The following ZNF550 variants were observed in gnomAD, a reference collection of about 807,000 sequenced individuals.
ZNF550 encodes zinc finger protein 550.
In ZNF550, 42 loss-of-function variants were observed where a neutral mutation model predicts 40.2. That is an observed-to-expected ratio of 1.05 (90% CI 0.82 to 1.35). The LOEUF (loss-of-function observed/expected upper bound fraction) is 1.35. ZNF550 is among the 40% of genes most tolerant of loss of function. The pLI is 0.00. For synonymous variants in ZNF550, 223 were observed against 198.6 expected, an observed-to-expected ratio of 1.12 and a Z score of -1.03; for missense variants, 549 against 525.2, an observed-to-expected ratio of 1.05 and a Z score of -0.44.
At chr19:57,556,325 G>A in exon 2 of ZNF550, 1 of 1,614,014 alleles carries the variant, frequency 6.2e-7, no homozygotes, top group Non-Finnish European at 8.5e-7. Context: ...CCCGGGTAAA[G>A]GTCACAGCCA....
exon 4 of ZNF550, chr19:57,546,967 G>A: frequency 6.3e-7 from 1 of 1,596,904 alleles, no homozygotes; most frequent in Non-Finnish European, 8.6e-7. Context: ...TGCAGCAATA[G>A]GGTTCTCTCA....
chr19:57,549,002 C>T (rs1363951933), intron 3 of ZNF550, among the ~76,000 whole-genome samples: 4 of 151,872 alleles, frequency 2.6e-5, no homozygotes, highest in Non-Finnish European at 5.9e-5. Flanking sequence ...AAACTGGGAA[C>T]GGCAGTAGGA....
exon 4 of ZNF550, chr19:57,547,966 T>C: frequency 1.2e-6 from 2 of 1,613,660 alleles, no homozygotes; most frequent in South Asian, 1.1e-5. Context: ...AGTGGTTGGC[T>C]CTCTGGTATG....
In ZNF550 at chr19:57,554,381, T is replaced by A. The variant is rs1190439705; in HGVS notation, c.155-1659A>T. On this transcript the variant is annotated intron_variant, in intron 2 of 4. Transcript: ENST00000457177. The surrounding 1 kb of genome is among the most constrained non-coding windows in gnomAD (Gnocchi z 4.5). ...CTATGAGGAGCCAGCCTGAGGACAA[T>A]CAGAAGCCTGAACCAAGAAGAAGGA... 3 of 152,124 alleles carry A rather than the reference T, an allele frequency of 2.0e-5. No homozygotes were observed. The highest frequency in any genetic ancestry group is 7.3e-5 in the African/African-American group (3 of 41,376). 9.4% of individuals were successfully genotyped at this position (152,124 alleles called of 1,614,324 possible).
chr19:57,559,827 C>T (rs75946741), exon 1 of ZNF550: 120,316 of 653,350 alleles, frequency 0.18, 11,929 homozygotes, highest in Middle Eastern at 0.23. Context: ...CAACACGCCC[C>T]ACCACAAACG....
At position 57,547,689 on chromosome 19, in the gene ZNF550, A is replaced by T; in HGVS notation, c.555T>A (p.Cys185Ter). Residue 185 changes from cysteine (C) to a stop codon, truncating the protein, a stop_gained, in exon 4 of 5, where the codon TGT becomes TGA. Coordinates refer to ENST00000457177, the Ensembl canonical transcript of ZNF550. LOFTEE classifies it high-confidence loss of function. ...CGTCTTTCCCTGGTTGCTGTGAGTC[A>T]CATTCATGGAGAACATCTGCTGATA... The T allele has an allele frequency of 6.2e-7, 1 of 1,614,180 alleles. No homozygotes were observed. The highest frequency in any genetic ancestry group is 8.5e-7 in the Non-Finnish European group (1 of 1,180,038).
At chr19:57,552,528 C>T in intron 3 of ZNF550, 99 bp downstream of exon 3, 1 of 964,960 alleles carries the variant, frequency 1.0e-6, no homozygotes, top group Non-Finnish European at 1.5e-6. Context: ...CCCCGGAAAG[C>T]CACAATGAGC....
At chr19:57,550,304 C>T (rs972058271) in intron 3 of ZNF550, among the ~76,000 whole-genome samples, 4 of 152,204 alleles carry the variant, frequency 2.6e-5, no homozygotes, top group Admixed American at 2.6e-4. Context: ...CTTGACTCCA[C>T]CAGTCATCTC....
intron 4 of ZNF550, chr19:57,544,460 G>A (rs1236694579): frequency 3.0e-6 from 3 of 985,216 alleles, no homozygotes; most frequent in Admixed American, 6.2e-5. Context: ...TGAACCCAGG[G>A]CCTTAGGTAC....
intron 4 of ZNF550, among the ~76,000 whole-genome samples, chr19:57,545,811 C>A (rs115838386): frequency 4.7e-4 from 71 of 152,204 alleles, no homozygotes; most frequent in African/African-American, 1.4e-3. Flanking sequence ...CCAGGAGTTC[C>A]AGACCAGCCC....
At chr19:57,556,968 T>C (rs759571856) in intron 1 of ZNF550, 46 of 152,522 alleles carry the variant, frequency 3.0e-4, no homozygotes, top group Non-Finnish European at 5.9e-4. Flanking sequence ...ATCGCCATTC[T>C]CCCGTCTCGG....
rs796582884 is a variant in ZNF550, at chr19:57,548,201, AC to A, written c.251-209del. 1.4e-4 allele frequency among the ~76,000 whole-genome samples: 21 copies of A among 152,286 alleles called. 1 individual carries two copies. Among genetic ancestry groups the A allele is most frequent in the African/African-American group, 4.8e-4 (20 of 41,550 alleles). On this transcript the variant is annotated intron_variant, in intron 3 of 4. Transcript: ENST00000457177. The stretch of plus-strand genomic sequence containing the variant: ...AGGGAAAATCTGGAGGGCAGGCTGG[AC>A]CGGGGGACAGAGGATCCGGAGTAAA...
At chr19:57,550,572 T>C (rs2090063809) in intron 3 of ZNF550, among the ~76,000 whole-genome samples, 1 of 152,216 alleles carries the variant, frequency 6.6e-6, no homozygotes, top group Non-Finnish European at 1.5e-5. Flanking sequence ...GCTCCAATTA[T>C]GCCCATTCAC....
intron 1 of ZNF550, among the ~76,000 whole-genome samples, chr19:57,557,853 G>A (rs145484244): frequency 2.6e-5 from 4 of 152,248 alleles, no homozygotes; most frequent in African/African-American, 4.8e-5. Context: ...TCTAAGGCTC[G>A]ATTTCCGAAT....
chr19:57,547,994 C>T lies in ZNF550; in HGVS notation c.251-1G>A. The T allele has an allele frequency of 6.2e-7, 1 of 1,609,300 alleles. No individual in the cohort carries two copies. The highest frequency in any genetic ancestry group is 2.2e-5 in the East Asian group (1 of 44,782). On this transcript the variant is annotated splice_acceptor_variant, in intron 3 of 4. Coordinates refer to ENST00000457177, the Ensembl canonical transcript of ZNF550. LOFTEE classifies it high-confidence loss of function. ...CTGGTATGAACTTGTGCTCTGTCACCTGAAGGGCATCAACAAACAAAGGAG... is the reference window on the plus strand; with the variant it reads ...CTGGTATGAACTTGTGCTCTGTCACTTGAAGGGCATCAACAAACAAAGGAG...
intron 1 of ZNF550, 41 bp downstream of exon 1, chr19:57,559,615 T>G (rs1419456692): frequency 1.2e-5 from 17 of 1,463,002 alleles, no homozygotes; most frequent in Non-Finnish European, 1.5e-5. Context: ...CCCGGGACAC[T>G]GAGGCCGGGT....
exon 4 of ZNF550, chr19:57,546,731 CCTT>C (rs1599888792): frequency 1.6e-6 from 2 of 1,256,358 alleles, no homozygotes; most frequent in East Asian, 3.0e-5. Flanking sequence ...TGGTATGAAT[CCTT>C]CTGCAATGAG....
chr19:57,549,306 G>A (rs548919858), intron 3 of ZNF550, among the ~76,000 whole-genome samples: 2 of 152,146 alleles, frequency 1.3e-5, no homozygotes, highest in African/African-American at 2.4e-5. Flanking sequence ...TTAGCCAGGC[G>A]TGGTGGTGCA....
intron 3 of ZNF550, among the ~76,000 whole-genome samples, chr19:57,552,096 C>T (rs904568291): frequency 6.6e-6 from 1 of 152,152 alleles, no homozygotes; most frequent in African/African-American, 2.4e-5. Context: ...ATTTGTTGAT[C>T]CTATGGACCA....
Sources: allele counts gnomAD v4.1 joint callset (sites outside exome capture counted in the v4.1 genomes callset), GRCh38; gene constraint gnomAD v4.1.1; non-coding constraint Gnocchi (gnomAD v3.1); transcripts MANE v1.5; gene names NCBI Gene and HGNC (gene_info 2026-07-23, HGNC 2026-07-21).